Variants in CACNA1H observed in about 807,000 individuals in gnomAD.
CACNA1H encodes the protein voltage-dependent T-type calcium channel subunit alpha-1H.
In CACNA1H, 149 loss-of-function variants were observed where a neutral mutation model predicts 192.5. The ratio of observed to expected loss-of-function variants is 0.77; its 90% CI spans 0.68 to 0.89. CACNA1H has a LOEUF of 0.89. CACNA1H is among the 40% of genes least tolerant of loss of function. CACNA1H has a pLI of 0.00. For synonymous variants in CACNA1H, 2,202 were observed against 1,475.2 expected (o/e 1.49, Z -11.29); for missense variants, 4,257 against 3,423.5 (o/e 1.24, Z -6.08).
At chr16:1,170,220 A>G (rs1208282004) in intron 2 of CACNA1H, among the ~76,000 whole-genome samples, 1 of 152,098 alleles carries the variant, frequency 6.6e-6, no homozygotes, top group Non-Finnish European at 1.5e-5. Flanking sequence ...ACCGAGGCTC[A>G]GCCCACCCTG....
rs375518094 is a variant in CACNA1H, at chr16:1,217,941, C to A, written c.5346C>A (p.Cys1782Ter). 3 of 1,605,388 alleles carry A rather than the reference C, an allele frequency of 1.9e-6. No homozygotes were observed. The highest frequency in any genetic ancestry group is 2.5e-6 in the Non-Finnish European group (3 of 1,176,764). ...GRLECSEDNPCEGLSRHATFS... is the reference protein window; with the variant it reads ...GRLECSEDNP Reference sequence around the variant, plus strand: ...CAGAGTGCAGTGAAGACAACCCCTGCGAGGGCCTGAGCAGGCACGCCACCT... The same window carrying A: ...CAGAGTGCAGTGAAGACAACCCCTGAGAGGGCCTGAGCAGGCACGCCACCT... The change falls in exon 32 of 35, where the codon TGC becomes TGA. Residue 1782 changes from cysteine (C) to a stop codon, truncating the protein, a stop_gained. Coordinates refer to ENST00000348261, the MANE Select transcript of CACNA1H (RefSeq NM_021098.3). LOFTEE classifies it high-confidence loss of function.
Position 1,210,401 on chromosome 16 carries a change from C to A in CACNA1H, c.3877C>A (p.His1293Asn). ...FRVSCQKVIT[H>N]KMFDHVVLVF... is the part of the protein sequence containing the mutation. ...CGTCTCCTGCCAGAAGGTCATCACA[C>A]ACAAGATGTTTGATCACGTGGTCCT... Residue 1293 changes from histidine to asparagine, a missense_variant, in exon 19 of 35, where the codon CAC becomes AAC. Coordinates refer to ENST00000348261, the MANE Select transcript of CACNA1H (RefSeq NM_021098.3). 1 of 1,498,650 alleles carries A rather than the reference C, an allele frequency of 6.7e-7. No homozygotes were observed. The highest frequency in any genetic ancestry group is 9.0e-7 in the Non-Finnish European group (1 of 1,109,944). 92.8% of individuals were successfully genotyped at this position (1,498,650 alleles called of 1,614,324 possible).
chr16:1,193,378 C>T (rs1018162256), intron 2 of CACNA1H, among the ~76,000 whole-genome samples: 2 of 152,250 alleles, frequency 1.3e-5, no homozygotes, highest in South Asian at 2.1e-4. Context: ...CCTGGCACGG[C>T]TTCCACAGCA....
chr16:1,188,374 AG>A (rs1966269742), intron 2 of CACNA1H, among the ~76,000 whole-genome samples: 1 of 151,912 alleles, frequency 6.6e-6, no homozygotes, highest in Non-Finnish European at 1.5e-5. Context: ...CTCTGGGGAG[AG>A]GGGTCCCACA....
chr16:1,216,458 T>C (rs543785686), intron 30 of CACNA1H, among the ~76,000 whole-genome samples: 25 of 152,194 alleles, frequency 1.6e-4, no homozygotes, highest in South Asian at 6.2e-4. Flanking sequence ...AAGAGAGCCG[T>C]GGCAGGGGAG....
rs532369032 is a variant in CACNA1H, at chr16:1,214,956, G to A, written c.4930-16G>A. ...GCCCCAGCCCCACCTCAGCCAGCCC[G>A]ACCCTCCACCCCCAGTCGCTGGACG... On this transcript the variant is annotated splice_polypyrimidine_tract_variant and intron_variant, in intron 27 of 34. Coordinates refer to ENST00000348261, the MANE Select transcript of CACNA1H (RefSeq NM_021098.3). 1.1e-5 allele frequency: 18 copies of A among 1,581,682 alleles called. No homozygotes were observed. Among genetic ancestry groups the A allele is most frequent in the South Asian group, 1.0e-4 (9 of 87,608 alleles).
Position 1,210,044 on chromosome 16 carries a change from C to A in CACNA1H, c.3754C>A (p.Leu1252Ile). The A allele has an allele frequency of 6.4e-7, 1 of 1,550,690 alleles. No individual in the cohort carries two copies. Among genetic ancestry groups the A allele is most frequent in the Non-Finnish European group, 8.7e-7 (1 of 1,147,592 alleles). Residue 1252 changes from leucine (L) to isoleucine (I), a missense_variant, in exon 18 of 35, where the codon CTC becomes ATC. Coordinates refer to ENST00000348261, the MANE Select transcript of CACNA1H (RefSeq NM_021098.3). ...LDDDSEDSCC[L>I]RLHKVLEPYK... is the part of the protein sequence containing the mutation. ...CCGCCTCATCCCACAGAGCTGCTGC[C>A]TCCGCCTGCATAAAGTGCTGGAGCC... is the stretch of plus-strand genomic sequence containing the variant.
rs779476529 is a variant in CACNA1H, at chr16:1,204,199, C to T, written c.2192C>T (p.Thr731Met). Residue 731 changes from threonine to methionine, a missense_variant, in exon 10 of 35, where the codon ACG becomes ATG. Transcript: ENST00000348261. ...GATGGCCGTGGCGTCTATGAATTCA[C>T]GCAGGACGTCCGGCACGGTGACCGC... The part of the protein sequence containing the change: ...DSDGRGVYEF[T>M]QDVRHGDRWD... 26 of 1,612,048 alleles carry T rather than the reference C, an allele frequency of 1.6e-5. No homozygotes were observed. In the Middle Eastern group the frequency reaches 6.6e-4, roughly 41 times the overall value.
At chr16:1,158,594 G>T (rs926107416) in intron 2 of CACNA1H, among the ~76,000 whole-genome samples, 2 of 152,216 alleles carry the variant, frequency 1.3e-5, no homozygotes, top group Non-Finnish European at 2.9e-5. Context: ...CCTCCGGGTC[G>T]GGGCTACCCC....
At position 1,205,104 on chromosome 16, in the gene CACNA1H, C is replaced by T. The variant is rs1214566029; in HGVS notation, c.2452-10C>T. 3.1e-6 allele frequency: 5 copies of T among 1,608,950 alleles called. No homozygotes were observed. Among genetic ancestry groups the T allele is most frequent in the Middle Eastern group, 1.7e-4 (1 of 6,054 alleles). ...GCGGCCTCCTGAACTGTCCCCACCT[C>T]TGCCTGCAGCCCGAGGAGCTGACTA... On this transcript the variant is annotated splice_polypyrimidine_tract_variant and intron_variant, in intron 10 of 34. Coordinates refer to ENST00000348261, the MANE Select transcript of CACNA1H (RefSeq NM_021098.3).
At chr16:1,179,551 C>T in intron 2 of CACNA1H, among the ~76,000 whole-genome samples, 1 of 152,116 alleles carries the variant, frequency 6.6e-6, no homozygotes, top group East Asian at 1.9e-4. Flanking sequence ...GCCTCAGCCT[C>T]CTGAATAGCT....
Position 1,187,074 on chromosome 16 carries a change from C to T in CACNA1H, c.300-7898C>T, listed in dbSNP as rs74002009. Among the ~76,000 whole-genome samples, 950 of 152,370 alleles carry T rather than the reference C, an allele frequency of 6.2e-3. 9 individuals are homozygous for T. The highest frequency in any genetic ancestry group is 0.022 in the African/African-American group (901 of 41,588). ...AGGCGATGGAGTCCCTCAGAGCCCG[C>T]GACCGTCCCCTCCGCACTGCGGGCT... is the stretch of plus-strand genomic sequence containing the variant. On this transcript the variant is annotated intron_variant, in intron 2 of 34. Coordinates refer to ENST00000348261, the MANE Select transcript of CACNA1H (RefSeq NM_021098.3).
intron 2 of CACNA1H, among the ~76,000 whole-genome samples, chr16:1,156,275 TG>T (rs1169328570): frequency 6.6e-6 from 1 of 152,224 alleles, no homozygotes. Context: ...GGTTCATTCT[TG>T]GCCCCGTGGA....
At chr16:1,153,611 G>T in intron 1 of CACNA1H, 109 bp from the exon 2 acceptor site, 1 of 650,394 alleles carries the variant, frequency 1.5e-6, no homozygotes, top group African/African-American at 1.9e-5. Context: ...TCTCTAATAA[G>T]AAAAGACAAA....
chr16:1,207,777 C>T lies in CACNA1H; in HGVS notation c.3071C>T (p.Ala1024Val), dbSNP rs1452931958. ...GTGCTTTGTTGGGTTTAGGGCGATG[C>T]CAACAGATCCGACACGGACGAGGAC... ...LVEGFQAEGD[A>V]NRSDTDEDKT... The change falls in exon 15 of 35, where the codon GCC becomes GTC. Residue 1024 changes from alanine to valine, a missense_variant. By Grantham distance (64) the Ala-to-Val change is moderately conservative. Coordinates refer to ENST00000348261, the MANE Select transcript of CACNA1H (RefSeq NM_021098.3). 6.3e-7 allele frequency: 1 copy of T among 1,597,002 alleles called. No individual in the cohort carries two copies. Among genetic ancestry groups the T allele is most frequent in the Non-Finnish European group, 8.5e-7 (1 of 1,172,304 alleles).
At chr16:1,166,005 G>A (rs111961379) in intron 2 of CACNA1H, among the ~76,000 whole-genome samples, 21 of 152,154 alleles carry the variant, frequency 1.4e-4, no homozygotes, top group African/African-American at 4.8e-4. Context: ...GTCCCTTCTC[G>A]GTCCTCCTCG....
chr16:1,198,539 G>A (rs1967276071), intron 5 of CACNA1H, 76 bp from the exon 6 acceptor site: 5 of 1,532,692 alleles, frequency 3.3e-6, no homozygotes, highest in Non-Finnish European at 4.5e-6. Context: ...GGGCTCGGGG[G>A]TCCCGGGAGG....
chr16:1,205,833 G>A (rs1431780780), intron 11 of CACNA1H, among the ~76,000 whole-genome samples: 2 of 152,310 alleles, frequency 1.3e-5, no homozygotes, highest in East Asian at 1.9e-4. Context: ...GAGCGCCCTC[G>A]GCGAAGGAGC....
In CACNA1H at chr16:1,221,112, C is replaced by A. The variant is rs1005207371; in HGVS notation, c.*118C>A. On this transcript the variant is annotated 3_prime_UTR_variant, in exon 35 of 35. Coordinates refer to ENST00000348261, the MANE Select transcript of CACNA1H (RefSeq NM_021098.3). Reference sequence around the variant, plus strand: ...TTGGGTCCCGTCGTGAGCAGAAAGGCCCGGGGAGGATGACGGCCCAGGCCC... The same window carrying A: ...TTGGGTCCCGTCGTGAGCAGAAAGGACCGGGGAGGATGACGGCCCAGGCCC... 9.0e-6 allele frequency: 7 copies of A among 776,928 alleles called. No individual in the cohort carries two copies. The highest frequency in any genetic ancestry group is 8.9e-5 in the Admixed American group (3 of 33,522). 48.1% of individuals were successfully genotyped at this position (776,928 alleles called of 1,614,324 possible).
Sources: gnomAD v4.1 joint callset for allele counts (sites outside exome capture counted in the v4.1 genomes callset) on GRCh38, gnomAD v4.1.1 for gene constraint, MANE v1.5 for transcripts, NCBI Gene and HGNC (gene_info 2026-07-23, HGNC 2026-07-21) for gene names.